RAI1: variants seen among roughly 807,000 people sequenced by gnomAD.
RAI1 encodes retinoic acid induced 1.
Under a neutral mutation model 123.8 loss-of-function variants are expected in RAI1, and 9 were observed. The ratio of observed to expected loss-of-function variants is 0.07; its 90% CI spans 0.04 to 0.13. The LOEUF (loss-of-function observed/expected upper bound fraction) is 0.13, where lower values mean the gene tolerates loss of function less well. Ranked by LOEUF, RAI1 falls within the 10% of genes least tolerant of loss-of-function variation. The pLI is 1.00. For synonymous variants in RAI1, 1,231 were observed against 1,127.3 expected (o/e 1.09, Z -1.84); for missense variants, 2,256 against 2,545.8 (o/e 0.89, Z 2.45).
chr17:17,768,805 G>C (rs538848003), intron 2 of RAI1, among the ~76,000 whole-genome samples: 111 of 152,360 alleles, frequency 7.3e-4, no homozygotes, highest in African/African-American at 2.7e-3. Flanking sequence ...GGTGGCGGCT[G>C]CGGCTGGTGT....
intron 2 of RAI1, among the ~76,000 whole-genome samples, chr17:17,752,502 TA>T (rs2030236191): frequency 6.6e-6 from 1 of 152,138 alleles, no homozygotes; most frequent in Non-Finnish European, 1.5e-5. Flanking sequence ...GAGCCTGGGA[TA>T]GGGGTGAGTG....
intron 2 of RAI1, among the ~76,000 whole-genome samples, chr17:17,740,850 A>G (rs1395340846): frequency 6.6e-6 from 1 of 152,134 alleles, no homozygotes; most frequent in Non-Finnish European, 1.5e-5. Context: ...TAGACCTGCC[A>G]AAGCAGATAC....
At position 17,799,368 on chromosome 17, in the gene RAI1, CGTT is replaced by C. The variant is rs1045270594; in HGVS notation, c.5565+856_5565+858del. Among the ~76,000 whole-genome samples the C allele has an allele frequency of 6.6e-6, 1 of 152,154 alleles. No homozygotes were observed. Among genetic ancestry groups the C allele is most frequent in the Non-Finnish European group, 1.5e-5 (1 of 68,004 alleles). On this transcript the variant is annotated intron_variant, in intron 3 of 5. Transcript: ENST00000353383. The surrounding 1 kb of genome is among the most constrained non-coding windows in gnomAD (Gnocchi z 4.5). Reference sequence around the variant, plus strand: ...GGTGGCTCTGGTGACAGCAGGGTGACGTTCTTCGTGGTGTCACCACTTCCCCAG... The same window carrying C: ...GGTGGCTCTGGTGACAGCAGGGTGACCTTCGTGGTGTCACCACTTCCCCAG...
At chr17:17,728,045 C>CTGTG (rs143414744) in intron 2 of RAI1, among the ~76,000 whole-genome samples, 1 of 151,226 alleles carries the variant, frequency 6.6e-6, no homozygotes, top group African/African-American at 2.4e-5. Flanking sequence ...ATGCGTGCCT[C>CTGTG]TGTGTGTGTG....
At chr17:17,776,064 T>G (rs898026407) in intron 2 of RAI1, among the ~76,000 whole-genome samples, 2 of 152,180 alleles carry the variant, frequency 1.3e-5, no homozygotes, top group African/African-American at 4.8e-5. Context: ...CTTCCCCTCT[T>G]GGGGGCTGTT....
intron 2 of RAI1, among the ~76,000 whole-genome samples, chr17:17,743,592 G>A (rs1054340425): frequency 1.3e-5 from 2 of 152,310 alleles, no homozygotes; most frequent in African/African-American, 4.8e-5. Context: ...GGACATGTGC[G>A]CAGCAGACCC....
chr17:17,789,493 TGCACC>T (rs2031939295), intron 2 of RAI1, among the ~76,000 whole-genome samples: 2 of 152,218 alleles, frequency 1.3e-5, no homozygotes, highest in Admixed American at 1.3e-4. Context: ...CCGCTGGCCT[TGCACC>T]GTAGGGTAGC....
chr17:17,722,852 C>T (rs917091895), intron 1 of RAI1, among the ~76,000 whole-genome samples: 6 of 151,558 alleles, frequency 4.0e-5, no homozygotes, highest in Non-Finnish European at 5.9e-5. Context: ...TCTCTCTACG[C>T]CCCACCGCTA....
At chr17:17,698,418 GCCCA>G (rs1915105969) in intron 1 of RAI1, among the ~76,000 whole-genome samples, 1 of 152,180 alleles carries the variant, frequency 6.6e-6, no homozygotes, top group African/African-American at 2.4e-5. Context: ...CCCCATCTAG[GCCCA>G]GCCCTGGCCC....
chr17:17,711,857 G>A (rs1457770735), intron 1 of RAI1, among the ~76,000 whole-genome samples: 2 of 152,258 alleles, frequency 1.3e-5, no homozygotes, highest in African/African-American at 4.8e-5. Flanking sequence ...TCCGAGGAGG[G>A]ACAAAGCATT....
chr17:17,748,304 C>CT (rs2030006207), intron 2 of RAI1, among the ~76,000 whole-genome samples: 1 of 152,158 alleles, frequency 6.6e-6, no homozygotes, highest in African/African-American at 2.4e-5. Flanking sequence ...ATCCAGGGAG[C>CT]TGAGGGCCCA....
At chr17:17,694,909 T>C (rs1914969078) in intron 1 of RAI1, among the ~76,000 whole-genome samples, 1 of 151,966 alleles carries the variant, frequency 6.6e-6, no homozygotes, top group African/African-American at 2.4e-5. Context: ...AGTCCCAGCG[T>C]TGCGGCCGGC....
rs2032076922 is a variant in RAI1, at chr17:17,792,996, C to T, written c.48C>T (p.Asn16=). 1 of 1,580,094 alleles carries T rather than the reference C, an allele frequency of 6.3e-7. No homozygotes were observed. Among genetic ancestry groups the T allele is most frequent in the Non-Finnish European group, 8.6e-7 (1 of 1,158,300 alleles). ...ERCGFHGKQQ[N]YQQTSQETSR... ...GTGGTTTCCATGGCAAACAACAGAACTACCAGCAGACCTCGCAGGAAACAT... is the reference window on the plus strand; with the variant it reads ...GTGGTTTCCATGGCAAACAACAGAATTACCAGCAGACCTCGCAGGAAACAT... Residue 16 remains asparagine (N), a synonymous_variant, in exon 3 of 6, where the codon AAC becomes AAT. Coordinates refer to ENST00000353383, the MANE Select transcript of RAI1 (RefSeq NM_030665.4).
At chr17:17,780,361 C>T (rs898132723) in intron 2 of RAI1, among the ~76,000 whole-genome samples, 6 of 152,266 alleles carry the variant, frequency 3.9e-5, no homozygotes, top group East Asian at 1.9e-4. Flanking sequence ...GCATCGCACC[C>T]GGCCACCCAC....
intron 4 of RAI1, among the ~76,000 whole-genome samples, chr17:17,805,030 T>G (rs1286653236): frequency 6.6e-6 from 1 of 152,066 alleles, no homozygotes; most frequent in African/African-American, 2.4e-5. Flanking sequence ...GCTCAGCTAA[T>G]TTTTGTATTT....
chr17:17,771,389 G>A (rs1259988816), intron 2 of RAI1, among the ~76,000 whole-genome samples: 1 of 152,182 alleles, frequency 6.6e-6, no homozygotes, highest in Non-Finnish European at 1.5e-5. Flanking sequence ...CCCATGAGAG[G>A]GAACAAGTGG....
intron 2 of RAI1, chr17:17,778,345 T>C (rs2031428185): frequency 1.3e-5 from 3 of 233,592 alleles, no homozygotes; most frequent in South Asian, 1.1e-4. Flanking sequence ...CCCCATGAAC[T>C]GGTGGCCCTG....
chr17:17,686,608 T>TGCGTGCGCGCGC (rs1555552150), intron 1 of RAI1, among the ~76,000 whole-genome samples: 2 of 137,764 alleles, frequency 1.5e-5, no homozygotes, highest in Non-Finnish European at 1.6e-5. Context: ...TGTGTGTGTG[T>TGCGTGCGCGCGC]GCACGCGCGC....
intron 2 of RAI1, among the ~76,000 whole-genome samples, chr17:17,768,087 G>A (rs534305189): frequency 6.8e-4 from 104 of 152,312 alleles, no homozygotes; most frequent in Non-Finnish European, 9.3e-4. Flanking sequence ...GCTACCCTGA[G>A]GATTGCTGGT....
Sources: allele counts gnomAD v4.1 joint callset (sites outside exome capture counted in the v4.1 genomes callset), GRCh38; gene constraint gnomAD v4.1.1; non-coding constraint Gnocchi (gnomAD v3.1); transcripts MANE v1.5; gene names NCBI Gene and HGNC (gene_info 2026-07-23, HGNC 2026-07-21).